The following ERBIN variants were observed in gnomAD, a reference collection of about 807,000 sequenced individuals.
ERBIN encodes erbb2 interacting protein.
In ERBIN, 60 loss-of-function variants were observed where a neutral mutation model predicts 158.4. That is an observed-to-expected ratio of 0.38 (90% CI 0.31 to 0.47). ERBIN has a LOEUF of 0.47. ERBIN is among the 20% of genes least tolerant of loss of function. The pLI, the probability that ERBIN is intolerant of heterozygous loss-of-function variation, is 0.99. For missense variants in ERBIN, 1,610 were observed against 1,648.0 expected (o/e 0.98, Z 0.40); for synonymous variants, 594 against 557.2 (o/e 1.07, Z -0.93).
chr5:66,074,285 G>T (rs1366518932), intron 22 of ERBIN, among the ~76,000 whole-genome samples: 1 of 151,984 alleles, frequency 6.6e-6, no homozygotes, highest in Non-Finnish European at 1.5e-5. Context: ...CTCTAAAAAT[G>T]AGAGGCATTA....
intron 21 of ERBIN, among the ~76,000 whole-genome samples, chr5:66,061,621 G>A (rs1760358335): frequency 1.3e-5 from 2 of 152,152 alleles, no homozygotes; most frequent in Non-Finnish European, 2.9e-5. Context: ...ATTAGTTGAT[G>A]CAGTTTCTTC....
At chr5:66,077,759 TACACACACACACACACAC>T (rs70987111) in intron 25 of ERBIN, among the ~76,000 whole-genome samples, 5 of 139,382 alleles carry the variant, frequency 3.6e-5, no homozygotes, top group African/African-American at 5.4e-5. Context: ...TCCCTCCCTC[TACACACACACACACACAC>T]ACACACACAC....
At chr5:65,943,079 A>G (rs1745266312) in intron 1 of ERBIN, among the ~76,000 whole-genome samples, 1 of 152,184 alleles carries the variant, frequency 6.6e-6, no homozygotes, top group African/African-American at 2.4e-5. Context: ...ATAGTGATAC[A>G]TTATTATTAG....
At chr5:66,069,156 C>A in intron 21 of ERBIN, 1 of 748,312 alleles carries the variant, frequency 1.3e-6, no homozygotes, top group Non-Finnish European at 2.0e-6. Flanking sequence ...TCTTCCATGG[C>A]TTAGTTCTAA....
intron 1 of ERBIN, among the ~76,000 whole-genome samples, chr5:65,929,243 T>C (rs756407154): frequency 6.6e-6 from 1 of 152,242 alleles, no homozygotes; most frequent in Non-Finnish European, 1.5e-5. Flanking sequence ...ACATTGTTGG[T>C]ATTGCACTAT....
At position 66,019,636 on chromosome 5, in the gene ERBIN, A is replaced by G. The variant is rs187611462; in HGVS notation, c.534-1686A>G. Among the ~76,000 whole-genome samples, 331 of 152,258 alleles carry G rather than the reference A, an allele frequency of 2.2e-3. 3 individuals carry two copies. Among genetic ancestry groups the G allele is most frequent in the African/African-American group, 7.7e-3 (319 of 41,578 alleles). On this transcript the variant is annotated intron_variant, in intron 7 of 25. Coordinates refer to ENST00000284037, the MANE Select transcript of ERBIN (RefSeq NM_001253697.2). ...AGTTGAGGTGGAGACTCTTTTTGAC[A>G]TGACAGTATATTTTCTTTTTTATTA...
At chr5:65,996,229 T>C (rs1466153202) in intron 4 of ERBIN, among the ~76,000 whole-genome samples, 1 of 145,502 alleles carries the variant, frequency 6.9e-6, no homozygotes, top group African/African-American at 2.6e-5. Flanking sequence ...TTCTCCTATT[T>C]TTTTTTTCCT....
chr5:65,958,517 A>G (rs1747531823), intron 1 of ERBIN, among the ~76,000 whole-genome samples: 1 of 152,172 alleles, frequency 6.6e-6, no homozygotes, highest in Admixed American at 6.5e-5. Flanking sequence ...GGCACTGGGC[A>G]GGCTGAGGCA....
At chr5:66,052,236 A>G (rs973610741) in intron 20 of ERBIN, among the ~76,000 whole-genome samples, 1 of 151,912 alleles carries the variant, frequency 6.6e-6, no homozygotes, top group Non-Finnish European at 1.5e-5. Context: ...CTACTAAACC[A>G]AAAGTTTAAT....
intron 16 of ERBIN, 71 bp from the exon 17 acceptor site, chr5:66,044,066 A>T: frequency 1.7e-6 from 2 of 1,143,386 alleles, no homozygotes; most frequent in Non-Finnish European, 2.4e-6. Context: ...GATGGGTTAC[A>T]GATTAAATTT....
chr5:66,050,675 C>G, intron 19 of ERBIN, 108 bp from the exon 20 acceptor site: 1 of 565,176 alleles, frequency 1.8e-6, no homozygotes. Context: ...TAATTTATTA[C>G]CTCATATATA....
intron 1 of ERBIN, among the ~76,000 whole-genome samples, chr5:65,985,283 G>A (rs1751099733): frequency 6.6e-6 from 1 of 152,140 alleles, no homozygotes; most frequent in Non-Finnish European, 1.5e-5. Context: ...AGTAGAGATG[G>A]GGTTTCACCA....
intron 1 of ERBIN, among the ~76,000 whole-genome samples, chr5:65,978,368 C>T (rs544295338): frequency 2.6e-5 from 4 of 152,114 alleles, no homozygotes; most frequent in African/African-American, 7.2e-5. Context: ...GTGGAATGAA[C>T]GACTTTTTCT....
chr5:66,039,954 CT>C (rs1242105465), intron 15 of ERBIN, among the ~76,000 whole-genome samples: 4 of 151,896 alleles, frequency 2.6e-5, no homozygotes, highest in Non-Finnish European at 5.9e-5. Flanking sequence ...CAAAGCAAGT[CT>C]TTTATTGCTT....
Position 66,055,046 on chromosome 5 carries a change from CTT to C in ERBIN, c.3633+97_3633+98del, listed in dbSNP as rs1759455133. 7.7e-6 allele frequency: 11 copies of C among 1,435,574 alleles called. No homozygotes were observed. The South Asian group carries it at 1.3e-4, about 16-fold the overall frequency. The allele number at this position is 1,435,574 out of a possible 1,614,324, so 88.9% of individuals were successfully genotyped here. A position where few individuals can be genotyped will look rare whatever the true frequency, so the allele number is the denominator to read the frequency against. On this transcript the variant is annotated intron_variant, in intron 21 of 25. Coordinates refer to ENST00000284037, the MANE Select transcript of ERBIN (RefSeq NM_001253697.2). ...AGATTCTCTGAATTACTGATTATCT[CTT>C]TATATTCTAGGTGTTTTTCTCTGGT... is the stretch of plus-strand genomic sequence containing the variant.
chr5:66,043,277 TG>T, intron 16 of ERBIN, 79 bp downstream of exon 16: 1 of 1,388,030 alleles, frequency 7.2e-7, no homozygotes, highest in Non-Finnish European at 1.0e-6. Flanking sequence ...CTATGATGTC[TG>T]GGGATATAAC....
intron 22 of ERBIN, among the ~76,000 whole-genome samples, chr5:66,074,439 A>G (rs991256117): frequency 1.6e-4 from 25 of 152,194 alleles, no homozygotes; most frequent in African/African-American, 5.5e-4. Flanking sequence ...AAACGTTGCT[A>G]ACATACACAC....
chr5:66,058,452 T>C (rs1353766363), intron 21 of ERBIN, among the ~76,000 whole-genome samples: 1 of 151,826 alleles, frequency 6.6e-6, no homozygotes, highest in Non-Finnish European at 1.5e-5. Flanking sequence ...GTCAGATGAG[T>C]AGGTTGCAAA....
chr5:66,068,415 G>C (rs912450133), intron 21 of ERBIN, among the ~76,000 whole-genome samples: 7 of 152,018 alleles, frequency 4.6e-5, no homozygotes, highest in Admixed American at 4.6e-4. Flanking sequence ...TAATATGTTA[G>C]AATTTGCATA....
Sources: gnomAD v4.1 joint callset for allele counts (sites outside exome capture counted in the v4.1 genomes callset) on GRCh38, gnomAD v4.1.1 for gene constraint, MANE v1.5 for transcripts, NCBI Gene and HGNC (gene_info 2026-07-23, HGNC 2026-07-21) for gene names.